LRRC4C: variants seen among roughly 807,000 people sequenced by gnomAD.
LRRC4C encodes the protein leucine-rich repeat-containing protein 4C.
In LRRC4C, 5 loss-of-function variants were observed where a neutral mutation model predicts 33.6. The observed-to-expected ratio is 0.15, with a 90% confidence interval of 0.08 to 0.31. The LOEUF (loss-of-function observed/expected upper bound fraction) is 0.31. LRRC4C is among the 10% of genes least tolerant of loss of function. The probability of loss-of-function intolerance (pLI) is 1.00; values close to 1 mark genes in which losing one functional copy is unlikely to be tolerated. For synonymous variants in LRRC4C, 329 were observed against 302.0 expected, an observed-to-expected ratio of 1.09 and a Z score of -0.93; for missense variants, 560 against 796.7, an observed-to-expected ratio of 0.70 and a Z score of 3.58.
At chr11:40,785,996 CA>C (rs1950398261) in intron 2 of LRRC4C, among the ~76,000 whole-genome samples, 1 of 152,022 alleles carries the variant, frequency 6.6e-6, no homozygotes, top group African/African-American at 2.4e-5. Context: ...GACTCCTTAA[CA>C]AATTATACAT....
intron 1 of LRRC4C, among the ~76,000 whole-genome samples, chr11:41,015,506 G>T (rs61887633): frequency 2.6e-5 from 4 of 151,802 alleles, no homozygotes; most frequent in African/African-American, 4.8e-5. Context: ...GAGACACAGG[G>T]TTTCACCATG....
intron 1 of LRRC4C, among the ~76,000 whole-genome samples, chr11:41,452,002 G>A (rs1013139454): frequency 6.6e-6 from 1 of 152,086 alleles, no homozygotes; most frequent in African/African-American, 2.4e-5. Flanking sequence ...CTTGTTTTCA[G>A]GAAAGAGTAT....
chr11:40,710,150 G>A (rs945184422), intron 2 of LRRC4C, among the ~76,000 whole-genome samples: 21 of 152,090 alleles, frequency 1.4e-4, no homozygotes, highest in South Asian at 2.1e-4. Flanking sequence ...CCTTTAGCTC[G>A]GAGAAGTTTG....
At chr11:40,214,852 T>A (rs1417848615) in intron 5 of LRRC4C, among the ~76,000 whole-genome samples, 1 of 152,178 alleles carries the variant, frequency 6.6e-6, no homozygotes, top group Non-Finnish European at 1.5e-5. Context: ...TTTTCCCCGC[T>A]AAGCCATGTC....
At chr11:41,129,046 T>C (rs993368069) in intron 1 of LRRC4C, among the ~76,000 whole-genome samples, 1 of 151,968 alleles carries the variant, frequency 6.6e-6, no homozygotes, top group Admixed American at 6.6e-5. Context: ...TTGACAGATA[T>C]TGCCTGACAA....
intron 2 of LRRC4C, among the ~76,000 whole-genome samples, chr11:40,804,797 G>A (rs1256668092): frequency 6.6e-6 from 1 of 152,024 alleles, no homozygotes; most frequent in African/African-American, 2.4e-5. Flanking sequence ...AGCTATAAAA[G>A]TGCAAAAACT....
At chr11:40,983,735 T>A (rs995593562) in intron 1 of LRRC4C, among the ~76,000 whole-genome samples, 2 of 152,074 alleles carry the variant, frequency 1.3e-5, no homozygotes, top group Non-Finnish European at 2.9e-5. Flanking sequence ...AATAAGTGTA[T>A]GAAAAAAAGC....
intron 2 of LRRC4C, among the ~76,000 whole-genome samples, chr11:40,752,216 CAA>C (rs1248294765): frequency 6.6e-6 from 1 of 151,958 alleles, no homozygotes; most frequent in African/African-American, 2.4e-5. Context: ...GCTAAGACCT[CAA>C]AGGTATAGAC....
chr11:41,169,425 C>A (rs116524392), intron 1 of LRRC4C, among the ~76,000 whole-genome samples: 2 of 152,180 alleles, frequency 1.3e-5, no homozygotes, highest in African/African-American at 2.4e-5. Flanking sequence ...TTGTTGTATG[C>A]CCCAATCACT....
chr11:40,763,205 T>G (rs77853243), intron 2 of LRRC4C, among the ~76,000 whole-genome samples: 1 of 151,784 alleles, frequency 6.6e-6, no homozygotes. Context: ...GTGTTGGGTT[T>G]CTTCCAAGTG....
At chr11:40,388,939 A>G (rs1412896970) in intron 3 of LRRC4C, among the ~76,000 whole-genome samples, 1 of 152,118 alleles carries the variant, frequency 6.6e-6, no homozygotes, top group African/African-American at 2.4e-5. Context: ...CAATGTGTTT[A>G]TTTTGTAATA....
At chr11:41,378,792 A>G (rs1800842809) in intron 1 of LRRC4C, among the ~76,000 whole-genome samples, 1 of 152,122 alleles carries the variant, frequency 6.6e-6, no homozygotes, top group South Asian at 2.1e-4. Flanking sequence ...CAAGGCACTG[A>G]TTTCTAGCTT....
At chr11:41,011,235 C>T (rs1353584459) in intron 1 of LRRC4C, among the ~76,000 whole-genome samples, 1 of 152,046 alleles carries the variant, frequency 6.6e-6, no homozygotes, top group African/African-American at 2.4e-5. Flanking sequence ...ATCACTACTA[C>T]TTCATAGATA....
intron 3 of LRRC4C, among the ~76,000 whole-genome samples, chr11:40,615,596 G>A (rs1412790604): frequency 6.6e-6 from 1 of 151,596 alleles, no homozygotes; most frequent in Non-Finnish European, 1.5e-5. Context: ...GCTGAGTGAA[G>A]TGTTCTCACA....
intron 3 of LRRC4C, among the ~76,000 whole-genome samples, chr11:40,600,649 T>C (rs1351671159): frequency 6.6e-6 from 1 of 152,174 alleles, no homozygotes; most frequent in Non-Finnish European, 1.5e-5. Context: ...CTGCCAGTCT[T>C]CCAGATATTT....
At chr11:40,701,188 C>T (rs765255187) in intron 2 of LRRC4C, among the ~76,000 whole-genome samples, 2 of 152,100 alleles carry the variant, frequency 1.3e-5, no homozygotes, top group African/African-American at 4.8e-5. Context: ...AGTCACTCTC[C>T]CAGTGCTAAG....
chr11:40,623,514 T>C (rs1252128656), intron 3 of LRRC4C, among the ~76,000 whole-genome samples: 3 of 152,030 alleles, frequency 2.0e-5, no homozygotes, highest in African/African-American at 4.8e-5. Flanking sequence ...TTGGAAGGCC[T>C]AAAGTAACTA....
chr11:40,447,393 G>C (rs958381750), intron 3 of LRRC4C, among the ~76,000 whole-genome samples: 19 of 152,118 alleles, frequency 1.2e-4, no homozygotes, highest in Non-Finnish European at 2.1e-4. Context: ...GTCCAGAAAG[G>C]ATGGAAGGAA....
At chr11:40,414,799 G>C (rs1950267546) in intron 3 of LRRC4C, among the ~76,000 whole-genome samples, 1 of 151,688 alleles carries the variant, frequency 6.6e-6, no homozygotes, top group African/African-American at 2.4e-5. Context: ...ACAACCAGAA[G>C]AGGAGAAGAA....
Sources: gnomAD v4.1 joint callset for allele counts (sites outside exome capture counted in the v4.1 genomes callset) on GRCh38, gnomAD v4.1.1 for gene constraint, MANE v1.5 for transcripts, NCBI Gene and HGNC (gene_info 2026-07-23, HGNC 2026-07-21) for gene names.